EPB41L1: variants seen among roughly 807,000 people sequenced by gnomAD.
EPB41L1 encodes band 4.1-like protein 1.
A neutral mutation model predicts 97.8 loss-of-function variants in EPB41L1; 29 were observed. The observed-to-expected ratio is 0.30, with a 90% confidence interval of 0.22 to 0.40. The LOEUF (loss-of-function observed/expected upper bound fraction) is 0.40. EPB41L1 is among the 10% of genes least tolerant of loss of function. The pLI is 1.00. For synonymous variants in EPB41L1, 383 were observed against 459.2 expected (o/e 0.83, Z 2.12); for missense variants, 812 against 1,162.3 (o/e 0.70, Z 4.38).
intron 1 of EPB41L1, among the ~76,000 whole-genome samples, chr20:36,099,474 T>C (rs920119701): frequency 6.6e-6 from 1 of 152,200 alleles, no homozygotes; most frequent in Non-Finnish European, 1.5e-5. Flanking sequence ...GCTTAAGGGC[T>C]TGTAGCTGTG....
chr20:36,218,844 A>C, intron 17 of EPB41L1, 32 bp from the exon 18 acceptor site: 4 of 1,610,026 alleles, frequency 2.5e-6, no homozygotes, highest in Non-Finnish European at 2.5e-6. Context: ...CCCGGCTGAG[A>C]GCTGGCCATC....
intron 19 of EPB41L1, among the ~76,000 whole-genome samples, chr20:36,221,138 T>C (rs2063756319): frequency 6.6e-6 from 1 of 152,200 alleles, no homozygotes. Context: ...CCCCCTCTTC[T>C]TTCTATCCAC....
chr20:36,161,564 C>T (rs565640681), intron 1 of EPB41L1, among the ~76,000 whole-genome samples: 1 of 152,092 alleles, frequency 6.6e-6, no homozygotes, highest in African/African-American at 2.4e-5. Context: ...CAACCTCCGC[C>T]TCCCCGGTTC....
chr20:36,176,630 CT>C (rs549487167), intron 3 of EPB41L1, among the ~76,000 whole-genome samples: 109 of 136,734 alleles, frequency 8.0e-4, no homozygotes, highest in Non-Finnish European at 8.4e-4. Flanking sequence ...TCTTTTTTTT[CT>C]TTTTTTTTTT....
At chr20:36,177,530 C>A (rs2061298727) in intron 3 of EPB41L1, among the ~76,000 whole-genome samples, 1 of 152,192 alleles carries the variant, frequency 6.6e-6, no homozygotes. Flanking sequence ...CTCCCCTTCT[C>A]CCCCTGCCCG....
intron 14 of EPB41L1, among the ~76,000 whole-genome samples, chr20:36,203,617 C>A (rs1265423770): frequency 2.0e-5 from 3 of 152,220 alleles, no homozygotes; most frequent in Non-Finnish European, 4.4e-5. Flanking sequence ...GCTGAAGGAA[C>A]CTGCTTCTCA....
rs1029233103 is a variant in EPB41L1 at position 36,230,320 on chromosome 20, G to A, written c.*980G>A. On this transcript the variant is annotated 3_prime_UTR_variant, in exon 22 of 22. Coordinates refer to ENST00000338074, the MANE Select transcript of EPB41L1 (RefSeq NM_012156.2). ...ACAGGAAAAAATATTAAAATAAACA[G>A]TGCTGGTAAGTATGAAGCTGACATT... The A allele has an allele frequency of 9.2e-5, 14 of 152,588 alleles. No individual in the cohort carries two copies. Among genetic ancestry groups the A allele is most frequent in the Admixed American group, 7.9e-4 (12 of 15,270 alleles). The allele number at this position is 152,588 out of a possible 1,614,324, so 9.5% of individuals were successfully genotyped here. A position where few individuals can be genotyped will look rare whatever the true frequency, so the allele number is the denominator to read the frequency against.
At chr20:36,198,143 C>G (rs1046976703) in intron 14 of EPB41L1, 102 bp downstream of exon 14, 46 of 1,089,440 alleles carry the variant, frequency 4.2e-5, no homozygotes, top group Non-Finnish European at 6.1e-5. Flanking sequence ...ATGCTTCCCC[C>G]ATTGCTGCTT....
At chr20:36,225,370 A>G (rs1402244677) in intron 21 of EPB41L1, among the ~76,000 whole-genome samples, 1 of 152,216 alleles carries the variant, frequency 6.6e-6, no homozygotes, top group Non-Finnish European at 1.5e-5. Flanking sequence ...AAGCCTGTTT[A>G]AAATACAGGC....
At chr20:36,136,338 G>GTTTTTTTTT (rs60257818) in intron 2 of EPB41L1, among the ~76,000 whole-genome samples, 1 of 113,978 alleles carries the variant, frequency 8.8e-6, no homozygotes, top group African/African-American at 3.3e-5. Context: ...GCCCGGCTAA[G>GTTTTTTTTT]TTTTTTTTTT....
At chr20:36,160,794 T>C (rs1476161397) in intron 1 of EPB41L1, among the ~76,000 whole-genome samples, 1 of 152,218 alleles carries the variant, frequency 6.6e-6, no homozygotes, top group East Asian at 1.9e-4. Context: ...TAACTACACA[T>C]TGACATCTTT....
At chr20:36,155,555 G>A (rs2060259380) in intron 1 of EPB41L1, 1 of 455,768 alleles carries the variant, frequency 2.2e-6, no homozygotes, top group Non-Finnish European at 4.4e-6. Context: ...TCTCAGGGAT[G>A]GGCATGGGGG....
chr20:36,178,736 C>G (rs2061354226), intron 5 of EPB41L1, 64 bp downstream of exon 5: 1 of 1,505,084 alleles, frequency 6.6e-7, no homozygotes, highest in Non-Finnish European at 9.3e-7. Flanking sequence ...TGAGAGCCCC[C>G]CTTGTACTGC....
chr20:36,155,476 G>A (rs1445466222), intron 1 of EPB41L1: 1 of 412,628 alleles, frequency 2.4e-6, no homozygotes, highest in East Asian at 7.1e-5. Context: ...AGAGGGAGAG[G>A]GCTTGTGTGT....
intron 6 of EPB41L1, among the ~76,000 whole-genome samples, chr20:36,183,412 A>T (rs1423630260): frequency 6.6e-6 from 1 of 152,230 alleles, no homozygotes; most frequent in Admixed American, 6.5e-5. Flanking sequence ...TGGCGTCATT[A>T]GTCCTAGTTC....
intron 1 of EPB41L1, among the ~76,000 whole-genome samples, chr20:36,164,507 T>G (rs1174033632): frequency 6.6e-6 from 1 of 152,144 alleles, no homozygotes; most frequent in Non-Finnish European, 1.5e-5. Flanking sequence ...GTGTCATCGG[T>G]GTGCAGGGTT....
chr20:36,139,428 A>G (rs2059549785), intron 2 of EPB41L1, among the ~76,000 whole-genome samples: 1 of 152,256 alleles, frequency 6.6e-6, no homozygotes, highest in South Asian at 2.1e-4. Flanking sequence ...TCCTTTAAAA[A>G]AAATTTTTTT....
In EPB41L1 at chr20:36,212,331, G is replaced by C; in HGVS notation, c.2139G>C (p.Pro713=). The change falls in exon 16 of 22, where the codon CCG becomes CCC. Residue 713 remains proline, a synonymous_variant. Transcript: ENST00000338074. The surrounding 1 kb of genome is among the most constrained non-coding windows in gnomAD (Gnocchi z 4.8). ...SSLAIRKKIE[P]EAVLQTRVSA... ...TGGCCATTAGAAAGAAGATTGAGCC[G>C]GAGGCCGTACTGCAGACCAGAGTCT... is the stretch of plus-strand genomic sequence containing the variant. 6.2e-7 allele frequency: 1 copy of C among 1,614,180 alleles called. No homozygotes were observed. Among genetic ancestry groups the C allele is most frequent in the Non-Finnish European group, 8.5e-7 (1 of 1,180,040 alleles).
rs558142423 is a variant in EPB41L1 at position 36,190,117 on chromosome 20, A to G, written c.1027-160A>G. Among the ~76,000 whole-genome samples the G allele has an allele frequency of 6.2e-4, 94 of 152,310 alleles. No homozygotes were observed. Among genetic ancestry groups the G allele is most frequent in the African/African-American group, 2.1e-3 (87 of 41,562 alleles). ...CTTGAGCCCAGGAATTCAAGGTTAC[A>G]GTGAGCTATGATTGCGCCACTGTAC... On this transcript the variant is annotated intron_variant, in intron 9 of 21. Coordinates refer to ENST00000338074, the MANE Select transcript of EPB41L1 (RefSeq NM_012156.2). This position sits in a 1 kb window ranked among gnomAD's most constrained non-coding sequence, Gnocchi z 5.8.
Sources: gnomAD v4.1 joint callset for allele counts (sites outside exome capture counted in the v4.1 genomes callset) on GRCh38, gnomAD v4.1.1 for gene constraint, Gnocchi (gnomAD v3.1) non-coding constraint, MANE v1.5 for transcripts, NCBI Gene and HGNC (gene_info 2026-07-23, HGNC 2026-07-21) for gene names.